CNMD: variants seen among roughly 807,000 people sequenced by gnomAD.
CNMD encodes leukocyte cell-derived chemotaxin 1.
CNMD carries 30 observed loss-of-function variants against 37.5 expected under a neutral mutation model. The ratio of observed to expected loss-of-function variants is 0.80; its 90% confidence interval spans 0.60 to 1.09. CNMD has a LOEUF of 1.09. Among genes scored for constraint, CNMD ranks in the 50% least tolerant of loss-of-function variants. The pLI is 0.00. For missense variants in CNMD, 398 were observed against 423.9 expected, an observed-to-expected ratio of 0.94 and a Z score of 0.54; for synonymous variants, 167 against 148.2, an observed-to-expected ratio of 1.13 and a Z score of -0.92.
intron 2 of CNMD, 190 bp from the exon 3 acceptor site, chr13:52,733,549 A>T (rs890143879): frequency 1.5e-6 from 1 of 682,448 alleles, no homozygotes; most frequent in Non-Finnish European, 2.7e-6. Context: ...TTCCTTAAAA[A>T]TACCTTAAGA....
intron 4 of CNMD, among the ~76,000 whole-genome samples, chr13:52,718,161 T>C (rs1566223621): frequency 1.3e-5 from 2 of 152,194 alleles, no homozygotes; most frequent in African/African-American, 4.8e-5. Context: ...TGACGGTAGT[T>C]TGTATTTCTG....
intron 2 of CNMD, among the ~76,000 whole-genome samples, chr13:52,733,956 G>A (rs561504350): frequency 6.6e-6 from 1 of 152,334 alleles, no homozygotes; most frequent in African/African-American, 2.4e-5. Context: ...ACCAGGGTAT[G>A]CTTGATATAG....
intron 2 of CNMD, among the ~76,000 whole-genome samples, chr13:52,736,516 G>T (rs946111941): frequency 5.9e-5 from 9 of 152,176 alleles, no homozygotes; most frequent in Non-Finnish European, 8.8e-5. Flanking sequence ...GGGAGGATGT[G>T]GGGGGAGGAG....
chr13:52,739,690 G>A lies in CNMD; in HGVS notation c.12C>T (p.Asn4=). Residue 4 remains asparagine, a synonymous_variant, in exon 1 of 7, where the codon AAC becomes AAT. Coordinates refer to ENST00000377962, the MANE Select transcript of CNMD (RefSeq NM_007015.3). This position sits in a 1 kb window ranked among gnomAD's most constrained non-coding sequence, Gnocchi z 5.4. ...CCAGGGCAATGGGAACTTTGTCGGA[G>A]TTCTCTGTCATGTTTGCGGCGGGAG... MTE[N]SDKVPIALVG... 6.2e-7 allele frequency: 1 copy of A among 1,614,180 alleles called. No individual in the cohort carries two copies. Among genetic ancestry groups the A allele is most frequent in the Non-Finnish European group, 8.5e-7 (1 of 1,179,998 alleles).
At chr13:52,712,409 C>G (rs1437083230) in intron 5 of CNMD, among the ~76,000 whole-genome samples, 1 of 152,104 alleles carries the variant, frequency 6.6e-6, no homozygotes, top group Non-Finnish European at 1.5e-5. Context: ...AAGGTGCAAA[C>G]AACTGAGATA....
At chr13:52,721,052 G>A (rs2138247483) in intron 4 of CNMD, among the ~76,000 whole-genome samples, 1 of 152,324 alleles carries the variant, frequency 6.6e-6, no homozygotes, top group East Asian at 1.9e-4. Flanking sequence ...TTGAGGAGCT[G>A]CTGGGCTCCA....
At chr13:52,716,262 A>G (rs780843716) in intron 4 of CNMD, among the ~76,000 whole-genome samples, 8 of 152,096 alleles carry the variant, frequency 5.3e-5, no homozygotes, top group Non-Finnish European at 1.2e-4. Context: ...TGTCAGATGG[A>G]TAGATTGCAA....
At chr13:52,730,481 C>A (rs952715591) in intron 3 of CNMD, among the ~76,000 whole-genome samples, 1 of 151,768 alleles carries the variant, frequency 6.6e-6, no homozygotes, top group Non-Finnish European at 1.5e-5. Context: ...CTCTCCAGCA[C>A]CTGTTGTTTC....
At chr13:52,716,424 A>G (rs1345660363) in intron 4 of CNMD, among the ~76,000 whole-genome samples, 1 of 152,168 alleles carries the variant, frequency 6.6e-6, no homozygotes, top group African/African-American at 2.4e-5. Context: ...GTCTTTGCCC[A>G]TGCCTATGTC....
chr13:52,732,377 G>A (rs1043835008), intron 3 of CNMD, among the ~76,000 whole-genome samples: 4 of 152,168 alleles, frequency 2.6e-5, no homozygotes, highest in Non-Finnish European at 4.4e-5. Context: ...TCGGCCTGAA[G>A]TGACACTTTG....
At chr13:52,731,397 G>A (rs1269916944) in intron 3 of CNMD, among the ~76,000 whole-genome samples, 1 of 152,156 alleles carries the variant, frequency 6.6e-6, no homozygotes, top group Non-Finnish European at 1.5e-5. Flanking sequence ...AAATACAGGA[G>A]AAAGTAATAG....
chr13:52,723,295 G>A (rs983366450), intron 4 of CNMD, among the ~76,000 whole-genome samples: 4 of 152,082 alleles, frequency 2.6e-5, no homozygotes, highest in African/African-American at 4.8e-5. Context: ...GTTTTGCCGT[G>A]TTGTCCAGGC....
chr13:52,735,065 C>T (rs2138278410), intron 2 of CNMD, among the ~76,000 whole-genome samples: 1 of 152,212 alleles, frequency 6.6e-6, no homozygotes, highest in South Asian at 2.1e-4. Context: ...AATTTACTGT[C>T]TCCTAGGCTT....
chr13:52,735,724 G>A (rs1461441122), intron 2 of CNMD, among the ~76,000 whole-genome samples: 3 of 151,370 alleles, frequency 2.0e-5, no homozygotes, highest in Non-Finnish European at 4.4e-5. Flanking sequence ...GAAAGTTTAC[G>A]AATTTGTGTT....
intron 4 of CNMD, among the ~76,000 whole-genome samples, chr13:52,722,097 C>T (rs556333237): frequency 6.6e-6 from 1 of 152,008 alleles, no homozygotes; most frequent in South Asian, 2.1e-4. Context: ...ACCGAGAAGA[C>T]GACCTTTGAT....
chr13:52,715,707 T>C (rs1039085605), intron 4 of CNMD, among the ~76,000 whole-genome samples: 4 of 152,238 alleles, frequency 2.6e-5, no homozygotes, highest in African/African-American at 9.6e-5. Context: ...CTGCATAGTA[T>C]TCTATGGTGT....
At chr13:52,721,104 G>A (rs1964474684) in intron 4 of CNMD, among the ~76,000 whole-genome samples, 1 of 152,138 alleles carries the variant, frequency 6.6e-6, no homozygotes, top group African/African-American at 2.4e-5. Context: ...CACTGTGAGA[G>A]GAAAACTGCC....
chr13:52,738,219 G>A (rs1056249823), intron 2 of CNMD, among the ~76,000 whole-genome samples: 7 of 152,222 alleles, frequency 4.6e-5, no homozygotes, highest in African/African-American at 1.7e-4. Flanking sequence ...AGACCTGGCA[G>A]TGGTCATCAA....
chr13:52,707,250 C>T (rs1284928099), intron 6 of CNMD, among the ~76,000 whole-genome samples: 1 of 152,142 alleles, frequency 6.6e-6, no homozygotes, highest in Non-Finnish European at 1.5e-5. Flanking sequence ...CTTTTTCGCT[C>T]CCTGAAAAGT....
Sources: allele counts gnomAD v4.1 joint callset (sites outside exome capture counted in the v4.1 genomes callset), GRCh38; gene constraint gnomAD v4.1.1; non-coding constraint Gnocchi (gnomAD v3.1); transcripts MANE v1.5; gene names NCBI Gene and HGNC (gene_info 2026-07-23, HGNC 2026-07-21).